Variants in MTTP observed in about 807,000 individuals in gnomAD.
The protein encoded by MTTP is microsomal triglyceride transfer protein large subunit.
In MTTP, 49 loss-of-function variants were observed where a neutral mutation model predicts 90.6. The observed-to-expected ratio is 0.54, with a 90% CI of 0.43 to 0.69. The LOEUF is 0.69. MTTP is among the 30% of genes least tolerant of loss of function. The pLI is 0.00. For synonymous variants in MTTP, 347 were observed against 384.2 expected, an observed-to-expected ratio of 0.90 and a Z score of 1.13; for missense variants, 945 against 1,067.5, an observed-to-expected ratio of 0.89 and a Z score of 1.60.
intron 3 of MTTP, among the ~76,000 whole-genome samples, chr4:99,588,090 G>C (rs1308220510): frequency 6.6e-6 from 1 of 152,080 alleles, no homozygotes; most frequent in African/African-American, 2.4e-5. Flanking sequence ...GTATATGTAG[G>C]AAGTAAAAAT....
Position 99,583,364 on chromosome 4 carries a change from G to T in MTTP, c.250-10G>T, listed in dbSNP as rs755927871. ...AGTTTTTTTTAACAGCTTTCTTTCT[G>T]TTACTCCAGATGAAGGATGTAAATG... On this transcript the variant is annotated splice_polypyrimidine_tract_variant and intron_variant, in intron 2 of 17. Transcript: ENST00000265517. 3.1e-6 allele frequency: 5 copies of T among 1,612,630 alleles called. No individual in the cohort carries two copies. Among genetic ancestry groups the T allele is most frequent in the Admixed American group, 1.7e-5 (1 of 59,926 alleles).
chr4:99,610,063 A>T (rs897370984), intron 12 of MTTP, among the ~76,000 whole-genome samples: 6 of 152,122 alleles, frequency 3.9e-5, no homozygotes, highest in Non-Finnish European at 7.4e-5. Flanking sequence ...AACCAAAAAC[A>T]TTAGAGTGGG....
At chr4:99,582,251 G>T (rs1725138439) in intron 2 of MTTP, among the ~76,000 whole-genome samples, 159 bp downstream of exon 2, 1 of 152,274 alleles carries the variant, frequency 6.6e-6, no homozygotes, top group South Asian at 2.1e-4. Context: ...AGGTTTTGCT[G>T]ATGAAAAGTG....
intron 1 of MTTP, among the ~76,000 whole-genome samples, chr4:99,580,991 G>A (rs530750383): frequency 5.3e-5 from 8 of 152,274 alleles, no homozygotes; most frequent in South Asian, 4.1e-4. Flanking sequence ...TTATGGTTGC[G>A]TGTCATAGTA....
At chr4:99,604,396 G>C (rs1398381750) in intron 10 of MTTP, among the ~76,000 whole-genome samples, 4 of 151,958 alleles carry the variant, frequency 2.6e-5, no homozygotes, top group Admixed American at 6.6e-5. Flanking sequence ...TGACCTCCCG[G>C]CATCCTAATT....
In MTTP at chr4:99,591,391, TAC is replaced by T. The variant is rs766276601; in HGVS notation, c.618+42_618+43del. On this transcript the variant is annotated intron_variant, in intron 5 of 17. Coordinates refer to ENST00000265517, the MANE Select transcript of MTTP (RefSeq NM_001386140.1). ...ACTTTCTTTGAGGCATTAAAATAAT[TAC>T]ATTTTGTAGAGACTAATTTAATGTA... 10 of 1,405,288 alleles carry T rather than the reference TAC, an allele frequency of 7.1e-6. No homozygotes were observed. The Admixed American group carries it at 1.7e-4, about 24-fold the overall frequency. 87.1% of individuals were successfully genotyped at this position (1,405,288 alleles called of 1,614,324 possible).
rs755170053 is a variant in MTTP at position 99,594,761 on chromosome 4, G to C, written c.787G>C (p.Ala263Pro). The C allele has an allele frequency of 2.5e-6, 4 of 1,613,986 alleles. No homozygotes were observed. The highest frequency in any genetic ancestry group is 2.2e-5 in the East Asian group (1 of 44,864). Residue 263 changes from alanine (A) to proline (P), a missense_variant, in exon 7 of 18, where the codon GCA (alanine) becomes CCA (proline). By Grantham distance (27) the Ala-to-Pro change is conservative. Coordinates refer to ENST00000265517, the MANE Select transcript of MTTP (RefSeq NM_001386140.1). ...KQKLELKTTE[A>P]GPRLMSGKQA... ...GAAATTAGAGCTGAAGACAACCGAA[G>C]CAGGCCCAAGATTGATGTCTGGAAA...
intron 7 of MTTP, 33 bp downstream of exon 7, chr4:99,594,916 C>A: frequency 6.2e-7 from 1 of 1,609,952 alleles, no homozygotes; most frequent in Non-Finnish European, 8.5e-7. Context: ...ATAATCATGA[C>A]ATCAGACTCT....
chr4:99,579,009 T>C (rs1317529968), intron 1 of MTTP, among the ~76,000 whole-genome samples: 3 of 152,210 alleles, frequency 2.0e-5, no homozygotes, highest in Admixed American at 6.5e-5. Flanking sequence ...CCAATTACAA[T>C]GCAGAAGACA....
intron 1 of MTTP, among the ~76,000 whole-genome samples, chr4:99,579,720 G>T (rs763230968): frequency 3.9e-5 from 6 of 152,014 alleles, no homozygotes; most frequent in Non-Finnish European, 5.9e-5. Flanking sequence ...TTTACAAAGG[G>T]TATTAAATTT....
At chr4:99,622,539 G>C (rs1012382549) in intron 17 of MTTP, 138 bp from the exon 18 acceptor site, 1 of 846,890 alleles carries the variant, frequency 1.2e-6, no homozygotes, top group Admixed American at 2.0e-5. Flanking sequence ...CCCATTCATG[G>C]AGTAGCCTTT....
chr4:99,600,568 T>C lies in MTTP; in HGVS notation c.1071T>C (p.Pro357=), dbSNP rs1327042117. The change falls in exon 9 of 18, where the codon CCT becomes CCC. Residue 357 remains proline (P), a synonymous_variant. Coordinates refer to ENST00000265517, the MANE Select transcript of MTTP (RefSeq NM_001386140.1). Reference sequence around the variant, plus strand: ...ATGATTATGCCTTTTTTTATAGACCTCAGCTGGTGGATGCTGTCACCTCTG... The same window carrying C: ...ATGATTATGCCTTTTTTTATAGACCCCAGCTGGTGGATGCTGTCACCTCTG... ...ILKMENKEVL[P]QLVDAVTSAQ... is the part of the protein sequence containing the mutation. The C allele has an allele frequency of 6.2e-7, 1 of 1,613,456 alleles. No individual in the cohort carries two copies. Among genetic ancestry groups the C allele is most frequent in the Non-Finnish European group, 8.5e-7 (1 of 1,179,626 alleles).
At chr4:99,565,352 A>T (rs1724652657) in intron 1 of MTTP, among the ~76,000 whole-genome samples, 1 of 152,210 alleles carries the variant, frequency 6.6e-6, no homozygotes, top group Admixed American at 6.5e-5. Context: ...TTTTCTTTTG[A>T]CATAGACATT....
At chr4:99,604,910 A>G (rs1725777437) in intron 10 of MTTP, among the ~76,000 whole-genome samples, 2 of 152,146 alleles carry the variant, frequency 1.3e-5, no homozygotes, top group Admixed American at 1.3e-4. Context: ...AAAGTTCAAG[A>G]CTTTTACAGT....
At chr4:99,617,945 A>G (rs949279546) in intron 15 of MTTP, among the ~76,000 whole-genome samples, 1 of 152,178 alleles carries the variant, frequency 6.6e-6, no homozygotes, top group Non-Finnish European at 1.5e-5. Context: ...TTCTAGTTGG[A>G]TGTAGGCAAT....
Position 99,600,654 on chromosome 4 carries a change from G to C in MTTP, c.1157G>C (p.Ser386Thr). The change falls in exon 9 of 18, where the codon AGC (serine) becomes ACC (threonine). Residue 386 changes from serine to threonine, a missense_variant. By Grantham distance (58) the Ser-to-Thr change is moderately conservative (BLOSUM62 1). Transcript: ENST00000265517. Reference protein sequence around the residue: ...LDFLDFKSDSSIILQERFLYA... With the variant: ...LDFLDFKSDSTIILQERFLYA... ...TTTTTGGATTTCAAAAGTGACAGCAGCATTATCCTCCAGGAGAGGTTTCTC... is the reference window on the plus strand; with the variant it reads ...TTTTTGGATTTCAAAAGTGACAGCACCATTATCCTCCAGGAGAGGTTTCTC... 6.2e-7 allele frequency: 1 copy of C among 1,613,852 alleles called. No homozygotes were observed. The highest frequency in any genetic ancestry group is 1.7e-4 in the Middle Eastern group (1 of 6,058).
At chr4:99,581,794 C>T (rs1725121388) in intron 1 of MTTP, 111 bp from the exon 2 acceptor site, 15 of 1,075,850 alleles carry the variant, frequency 1.4e-5, no homozygotes, top group Non-Finnish European at 1.9e-5. Flanking sequence ...TTTCAATCAG[C>T]GAATATTTAC....
intron 4 of MTTP, among the ~76,000 whole-genome samples, chr4:99,590,864 C>CCA (rs70958320): frequency 1.3e-4 from 17 of 128,132 alleles, no homozygotes; most frequent in African/African-American, 5.3e-4. Flanking sequence ...CACACACACA[C>CCA]CACACACACA....
intron 1 of MTTP, among the ~76,000 whole-genome samples, chr4:99,564,769 A>G (rs1250084994): frequency 3.3e-5 from 5 of 152,232 alleles, no homozygotes; most frequent in Non-Finnish European, 7.3e-5. Context: ...GGCTTCTCAT[A>G]TAGAAAGAAT....
Sources: gnomAD v4.1 joint callset for allele counts (sites outside exome capture counted in the v4.1 genomes callset) on GRCh38, gnomAD v4.1.1 for gene constraint, MANE v1.5 for transcripts, NCBI Gene and HGNC (gene_info 2026-07-23, HGNC 2026-07-21) for gene names.